The following HECW1 variants were observed in gnomAD, a reference collection of about 807,000 sequenced individuals.
HECW1 encodes HECT, C2 and WW domain containing E3 ubiquitin protein ligase 1.
A neutral mutation model predicts 182.3 loss-of-function variants in HECW1; 61 were observed. That is an observed-to-expected ratio of 0.33 (90% CI 0.27 to 0.41). The LOEUF is 0.41. Among genes scored for constraint, HECW1 ranks in the 10% least tolerant of loss-of-function variants. The probability of loss-of-function intolerance (pLI) is 1.00; values close to 1 mark genes in which losing one functional copy is unlikely to be tolerated. For missense variants in HECW1, 1,739 were observed against 2,108.9 expected (o/e 0.82, Z 3.44); for synonymous variants, 859 against 832.6 (o/e 1.03, Z -0.55).
intron 2 of HECW1, among the ~76,000 whole-genome samples, chr7:43,186,561 C>T (rs1007746131): frequency 6.7e-5 from 10 of 150,180 alleles, no homozygotes; most frequent in African/African-American, 2.2e-4. Context: ...CCCAGCTACT[C>T]GGGAGGCTGA....
intron 12 of HECW1, among the ~76,000 whole-genome samples, chr7:43,451,506 G>A (rs10253450): frequency 0.39 from 58,629 of 152,010 alleles, 11,337 homozygotes; most frequent in Middle Eastern, 0.53. Context: ...TAACTGTAGT[G>A]GGTAATTAAT....
At chr7:43,162,248 A>T (rs1209261363) in intron 2 of HECW1, among the ~76,000 whole-genome samples, 1 of 152,200 alleles carries the variant, frequency 6.6e-6, no homozygotes, top group Non-Finnish European at 1.5e-5. Flanking sequence ...ATTACGACAA[A>T]CTTGTGGCTT....
chr7:43,448,899 G>A (rs1363840547), intron 11 of HECW1, among the ~76,000 whole-genome samples: 1 of 152,188 alleles, frequency 6.6e-6, no homozygotes, highest in Admixed American at 6.5e-5. Flanking sequence ...TTTGAGGCAA[G>A]GGTGATGATG....
At chr7:43,383,112 CATT>C (rs2074623707) in intron 6 of HECW1, among the ~76,000 whole-genome samples, 1 of 152,190 alleles carries the variant, frequency 6.6e-6, no homozygotes, top group East Asian at 1.9e-4. Context: ...GACATGAACT[CATT>C]ATTTTTTTAT....
intron 3 of HECW1, among the ~76,000 whole-genome samples, chr7:43,281,525 A>C (rs1803900062): frequency 6.6e-6 from 1 of 152,190 alleles, no homozygotes; most frequent in Non-Finnish European, 1.5e-5. Flanking sequence ...GTTTAAACCC[A>C]GACCTGACTT....
rs1223691935 is a variant in HECW1 at position 43,265,874 on chromosome 7, A to G, written c.27+21942A>G. Among the ~76,000 whole-genome samples the G allele has an allele frequency of 2.6e-5, 4 of 152,166 alleles. No homozygotes were observed. The East Asian group carries it at 7.7e-4, about 29-fold the overall frequency. On this transcript the variant is annotated intron_variant, in intron 3 of 29. Transcript: ENST00000395891. Reference sequence around the variant, plus strand: ...GATCTGCTAGAATGACTTATAAAACACAGGGAAGAACTATACTTACTATGA... The same window carrying G: ...GATCTGCTAGAATGACTTATAAAACGCAGGGAAGAACTATACTTACTATGA...
At chr7:43,443,267 C>T (rs1329619473) in intron 10 of HECW1, among the ~76,000 whole-genome samples, 1 of 152,210 alleles carries the variant, frequency 6.6e-6, no homozygotes, top group East Asian at 1.9e-4. Flanking sequence ...GGACCATTTA[C>T]AAGTTGCTGT....
chr7:43,148,203 G>A (rs1788924658), intron 2 of HECW1, among the ~76,000 whole-genome samples: 1 of 152,194 alleles, frequency 6.6e-6, no homozygotes, highest in African/African-American at 2.4e-5. Context: ...AAGAAGGCCA[G>A]CAGACCTCAA....
At chr7:43,186,232 C>G (rs1356859874) in intron 2 of HECW1, among the ~76,000 whole-genome samples, 1 of 152,200 alleles carries the variant, frequency 6.6e-6, no homozygotes, top group Non-Finnish European at 1.5e-5. Flanking sequence ...AAACATAGCT[C>G]TAGCAGTTTG....
Position 43,464,686 on chromosome 7 carries a change from C to T in HECW1, c.2791+887C>T, listed in dbSNP as rs113183441. On this transcript the variant is annotated intron_variant, in intron 14 of 29. Transcript: ENST00000395891. ...GTCTACAGCAATGCAGAATATTGGACATTTTCATGTGATTTTTCAAAATGC... is the reference window on the plus strand; with the variant it reads ...GTCTACAGCAATGCAGAATATTGGATATTTTCATGTGATTTTTCAAAATGC... 6.6e-5 allele frequency among the ~76,000 whole-genome samples: 10 copies of T among 152,290 alleles called. 1 individual carries two copies. Among genetic ancestry groups the T allele is most frequent in the African/African-American group, 2.4e-4 (10 of 41,554 alleles).
intron 9 of HECW1, 46 bp downstream of exon 9, chr7:43,438,191 A>G: frequency 6.3e-7 from 1 of 1,582,058 alleles, no homozygotes. Context: ...TCCCACCAAC[A>G]GGTCGTGCCC....
At chr7:43,153,966 T>C (rs990960135) in intron 2 of HECW1, among the ~76,000 whole-genome samples, 3 of 152,168 alleles carry the variant, frequency 2.0e-5, no homozygotes, top group African/African-American at 7.2e-5. Context: ...TTTTGGTAGT[T>C]GTTAGAAAAG....
chr7:43,404,840 G>T (rs2075550980), intron 7 of HECW1, among the ~76,000 whole-genome samples: 1 of 152,150 alleles, frequency 6.6e-6, no homozygotes, highest in South Asian at 2.1e-4. Context: ...GCCAGGGGTG[G>T]TGGTGAGTAC....
In HECW1 at chr7:43,444,783, G is replaced by C. The variant is rs781051407; in HGVS notation, c.1611G>C (p.Leu537Phe). 2.5e-6 allele frequency: 4 copies of C among 1,614,004 alleles called. No homozygotes were observed. The African/African-American group carries it at 4.0e-5, about 16-fold the overall frequency. The change falls in exon 11 of 30, where the codon TTG (leucine) becomes TTC (phenylalanine). Residue 537 changes from leucine to phenylalanine, a missense_variant. Coordinates refer to ENST00000395891, the MANE Select transcript of HECW1 (RefSeq NM_015052.5). The surrounding 1 kb of genome is among the most constrained non-coding windows in gnomAD (Gnocchi z 4.3). ...SVKRKSRPCS[L>F]PVSELETVIA... ...AGAGAAAAAGCAGGCCCTGCTCCTT[G>C]CCTGTGTCCGAGCTGGAGACGGTGA...
At chr7:43,227,661 G>A (rs928384607) in intron 2 of HECW1, among the ~76,000 whole-genome samples, 1 of 152,028 alleles carries the variant, frequency 6.6e-6, no homozygotes. Context: ...TTTCTTACTT[G>A]AAATTATTAA....
At chr7:43,548,193 A>G (rs2081643618) in intron 26 of HECW1, among the ~76,000 whole-genome samples, 1 of 152,250 alleles carries the variant, frequency 6.6e-6, no homozygotes. Context: ...TTAGTAAATG[A>G]TAAAATAGAC....
intron 16 of HECW1, among the ~76,000 whole-genome samples, chr7:43,471,740 C>T (rs1282777273): frequency 6.6e-6 from 1 of 152,164 alleles, no homozygotes; most frequent in African/African-American, 2.4e-5. Flanking sequence ...GGGTGATGGG[C>T]CCCATGGGTC....
intron 2 of HECW1, among the ~76,000 whole-genome samples, chr7:43,165,791 C>T: frequency 6.6e-6 from 1 of 152,210 alleles, no homozygotes; most frequent in East Asian, 1.9e-4. Context: ...GTGTCTCCAG[C>T]AGAAATAACT....
At chr7:43,298,375 GAATA>G (rs1385047880) in intron 3 of HECW1, among the ~76,000 whole-genome samples, 1 of 152,220 alleles carries the variant, frequency 6.6e-6, no homozygotes, top group Non-Finnish European at 1.5e-5. Context: ...TTTGTTGACT[GAATA>G]AATAAATGAA....
Sources: allele counts gnomAD v4.1 joint callset (sites outside exome capture counted in the v4.1 genomes callset), GRCh38; gene constraint gnomAD v4.1.1; non-coding constraint Gnocchi (gnomAD v3.1); transcripts MANE v1.5; gene names NCBI Gene and HGNC (gene_info 2026-07-23, HGNC 2026-07-21).